The following SETD1A variants were observed in gnomAD, a reference collection of about 807,000 sequenced individuals.
The protein encoded by SETD1A is SET domain containing 1A, histone lysine methyltransferase, also known as histone-lysine N-methyltransferase SETD1A.
A neutral mutation model predicts 149.9 loss-of-function variants in SETD1A; 29 were observed. The ratio of observed to expected loss-of-function variants is 0.19; its 90% CI spans 0.14 to 0.26. The LOEUF is 0.26. SETD1A is among the 10% of genes least tolerant of loss of function. SETD1A has a pLI of 1.00. For synonymous variants in SETD1A, 1,141 were observed against 968.5 expected (o/e 1.18, Z -3.31); for missense variants, 2,109 against 2,353.1 (o/e 0.90, Z 2.15).
At chr16:30,981,855 G>A (rs1352426712) in intron 17 of SETD1A, among the ~76,000 whole-genome samples, 1 of 152,220 alleles carries the variant, frequency 6.6e-6, no homozygotes, top group Non-Finnish European at 1.5e-5. Context: ...GGAGGCTGAG[G>A]TGGGAGGATC....
chr16:30,966,519 C>T (rs1287282076), intron 8 of SETD1A, 133 bp downstream of exon 8: 4 of 1,384,726 alleles, frequency 2.9e-6, no homozygotes, highest in African/African-American at 1.5e-5. Context: ...GCCCTGCAGG[C>T]CACCCTGGGT....
chr16:30,979,220 C>A lies in SETD1A; in HGVS notation c.3434C>A (p.Pro1145Gln). The A allele has an allele frequency of 6.3e-7, 1 of 1,589,320 alleles. No individual in the cohort carries two copies. The highest frequency in any genetic ancestry group is 8.6e-7 in the Non-Finnish European group (1 of 1,167,074). ...CCTGCTGGGCCCCCGGCCCCTGCCC[C>A]ACGCCCCGATGAGCGTCCCTCTTCT... is the stretch of plus-strand genomic sequence containing the variant. ...EPPAGPPAPA[P>Q]RPDERPSSPI... Residue 1145 changes from proline to glutamine, a missense_variant, in exon 14 of 19, where the codon CCA becomes CAA. By Grantham distance (76) the Pro-to-Gln change is moderately conservative. This residue lies in a region of SETD1A where 832 missense variants were observed against 815.6 expected (regional missense o/e 1.02). Transcript: ENST00000262519.
rs149689471 is a variant in SETD1A, at chr16:30,958,770, G to A, written c.39G>A (p.Pro13=). 23 of 1,614,172 alleles carry A rather than the reference G, an allele frequency of 1.4e-5. No individual in the cohort carries two copies. In the East Asian group the frequency reaches 4.7e-4, roughly 33 times the overall value. Residue 13 remains proline, a synonymous_variant, in exon 2 of 19, where the codon CCG becomes CCA. Coordinates refer to ENST00000262519, the MANE Select transcript of SETD1A (RefSeq NM_014712.3). ...GTGGGGGAGATGGGCAGAAGGCCCC[G>A]AGCTTCCAGTGGCGGAACTACAAGC... is the stretch of plus-strand genomic sequence containing the variant. The part of the protein sequence containing the change: ...QEGGGDGQKA[P]SFQWRNYKLI...
chr16:30,970,157 CAG>C (rs1255499300), intron 12 of SETD1A, among the ~76,000 whole-genome samples: 4 of 151,546 alleles, frequency 2.6e-5, no homozygotes, highest in Non-Finnish European at 5.9e-5. Context: ...TTAGTAGAGA[CAG>C]GGTTTCACTA....
chr16:30,971,809 G>A, intron 13 of SETD1A, 90 bp downstream of exon 13: 1 of 1,419,394 alleles, frequency 7.0e-7, no homozygotes. Flanking sequence ...GTACAAGTGT[G>A]TGACTTTATT....
In SETD1A at chr16:30,979,747, G is replaced by A. The variant is rs1436462539; in HGVS notation, c.3961G>A (p.Val1321Met). ...PAPALRPPEP[V>M]PAPAALFSSP... Reference sequence around the variant, plus strand: ...GCCAGCCCTGCGGCCCCCGGAGCCAGTGCCCGCACCCGCCGCCCTCTTCAG... The same window carrying A: ...GCCAGCCCTGCGGCCCCCGGAGCCAATGCCCGCACCCGCCGCCCTCTTCAG... Residue 1321 changes from valine (V) to methionine (M), a missense_variant, in exon 14 of 19, where the codon GTG becomes ATG. Physicochemically the swap from Val to Met is conservative, Grantham distance 21. Transcript: ENST00000262519. 15 of 1,598,286 alleles carry A rather than the reference G, an allele frequency of 9.4e-6. No individual in the cohort carries two copies. Among genetic ancestry groups the A allele is most frequent in the Non-Finnish European group, 1.3e-5 (15 of 1,178,318 alleles).
In SETD1A at chr16:30,967,570, G is replaced by C; in HGVS notation, c.2752G>C (p.Ala918Pro). 1 of 1,614,008 alleles carries C rather than the reference G, an allele frequency of 6.2e-7. No individual in the cohort carries two copies. The highest frequency in any genetic ancestry group is 8.5e-7 in the Non-Finnish European group (1 of 1,179,926). The part of the protein sequence containing the change: ...EEKRPRPSTP[A>P]EEDEDDPEQE... ...AAAGAGGCCTCGTCCCTCCACTCCTGCTGAGGAAGATGAAGACGGTGAGCA... is the reference window on the plus strand; with the variant it reads ...AAAGAGGCCTCGTCCCTCCACTCCTCCTGAGGAAGATGAAGACGGTGAGCA... The change falls in exon 10 of 19, where the codon GCT (alanine) becomes CCT (proline). Residue 918 changes from alanine (A) to proline (P), a missense_variant. By Grantham distance (27) the Ala-to-Pro change is conservative (BLOSUM62 -1). This residue lies in a region of SETD1A where 832 missense variants were observed against 815.6 expected (regional missense o/e 1.02). Coordinates refer to ENST00000262519, the MANE Select transcript of SETD1A (RefSeq NM_014712.3).
At position 30,960,059 on chromosome 16, in the gene SETD1A, G is replaced by T. The variant is rs537657292; in HGVS notation, c.246+873G>T. On this transcript the variant is annotated intron_variant, in intron 3 of 18. Coordinates refer to ENST00000262519, the MANE Select transcript of SETD1A (RefSeq NM_014712.3). ...ATTCTCTCCTTTTCTCTCTCAGTTG[G>T]TCACCGAATCCTCCTGGCTCTTTTC... 3.9e-5 allele frequency among the ~76,000 whole-genome samples: 6 copies of T among 152,202 alleles called. No homozygotes were observed. In the East Asian group the frequency reaches 7.7e-4, roughly 20 times the overall value.
rs1260175630 is a variant in SETD1A at position 30,964,696 on chromosome 16, A to G, written c.954A>G (p.Ser318=). ...CCCGCCGCCACTTCTCTGCATCTTC[A>G]GCCTCCACAACCGCCTCCACGGCCA... ...AFSRRHFSAS[S]ASTTASTAIA... is the part of the protein sequence containing the mutation. Residue 318 remains serine (S), a synonymous_variant, in exon 7 of 19, where the codon TCA becomes TCG. Transcript: ENST00000262519. 1 of 1,614,054 alleles carries G rather than the reference A, an allele frequency of 6.2e-7. No individual in the cohort carries two copies. The highest frequency in any genetic ancestry group is 8.5e-7 in the Non-Finnish European group (1 of 1,180,006).
chr16:30,960,569 G>A (rs1416384255), intron 3 of SETD1A, among the ~76,000 whole-genome samples: 2 of 152,122 alleles, frequency 1.3e-5, no homozygotes, highest in African/African-American at 4.8e-5. Flanking sequence ...TGCATGTCAT[G>A]CTGCTTTTCT....
At position 30,971,601 on chromosome 16, in the gene SETD1A, C is replaced by G; in HGVS notation, c.3240C>G (p.Pro1080=). The G allele has an allele frequency of 6.2e-7, 1 of 1,613,958 alleles. No homozygotes were observed. The highest frequency in any genetic ancestry group is 8.5e-7 in the Non-Finnish European group (1 of 1,179,972). Residue 1080 remains proline, a synonymous_variant, in exon 13 of 19, where the codon CCC becomes CCG. Transcript: ENST00000262519. The part of the protein sequence containing the change: ...RPAALPSASP[P]PREVPVPTPA... ...CAGCCCTTCCCTCAGCCTCCCCGCC[C>G]CCCAGAGAAGTCCCAGTGCCCACGC...
chr16:30,972,076 A>G (rs1448821975), intron 13 of SETD1A, among the ~76,000 whole-genome samples: 2 of 152,252 alleles, frequency 1.3e-5, no homozygotes, highest in Non-Finnish European at 1.5e-5. Flanking sequence ...TAAATGGGCA[A>G]ATAGGTAGAA....
rs369238104 is a variant in SETD1A at position 30,964,789 on chromosome 16, G to A, written c.1047G>A (p.Ser349=). The part of the protein sequence containing the change: ...ASSSSLSSSS[S]SSSSSSSSQF... ...CCTCCTCATTGTCCTCGTCCTCCTC[G>A]TCATCCTCTTCCTCCTCGTCCTCTC... is the stretch of plus-strand genomic sequence containing the variant. The change falls in exon 7 of 19, where the codon TCG becomes TCA. Residue 349 remains serine (S), a synonymous_variant. Coordinates refer to ENST00000262519, the MANE Select transcript of SETD1A (RefSeq NM_014712.3). 42 of 1,613,798 alleles carry A rather than the reference G, an allele frequency of 2.6e-5. No homozygotes were observed. Among genetic ancestry groups the A allele is most frequent in the East Asian group, 6.7e-5 (3 of 44,890 alleles).
rs552578757 is a variant in SETD1A, at chr16:30,979,948, G to A, written c.4162G>A (p.Ala1388Thr). 2.6e-4 allele frequency: 396 copies of A among 1,533,348 alleles called. 1 individual carries two copies. The South Asian group carries it at 3.4e-3, about 13-fold the overall frequency. 95.0% of individuals were successfully genotyped at this position (1,533,348 alleles called of 1,614,324 possible). Residue 1388 changes from alanine (A) to threonine (T), a missense_variant, in exon 14 of 19, where the codon GCC becomes ACC. This residue lies in a region of SETD1A where 832 missense variants were observed against 815.6 expected (regional missense o/e 1.02). Coordinates refer to ENST00000262519, the MANE Select transcript of SETD1A (RefSeq NM_014712.3). ...CAGCAGCAGCAGCGATGGGGAGGGC[G>A]CCCTCCGGAGGCGCAGCCTCCGCTC... is the stretch of plus-strand genomic sequence containing the variant. ...DSSSSSDGEG[A>T]LRRRSLRSHA...
chr16:30,965,472 G>C lies in SETD1A; in HGVS notation c.1719+11G>C. 6.3e-7 allele frequency: 1 copy of C among 1,588,226 alleles called. No homozygotes were observed. Among genetic ancestry groups the C allele is most frequent in the Non-Finnish European group, 8.6e-7 (1 of 1,163,144 alleles). On this transcript the variant is annotated intron_variant, in intron 7 of 18. Coordinates refer to ENST00000262519, the MANE Select transcript of SETD1A (RefSeq NM_014712.3). ...AATGGACAGAACCAGGTGAGGTTGG[G>C]GTCAGCCAGAGGAGGCACCTGGGCT...
Position 30,979,333 on chromosome 16 carries a change from C to G in SETD1A, c.3547C>G (p.Pro1183Ala), listed in dbSNP as rs140875864. 133 of 1,613,474 alleles carry G rather than the reference C, an allele frequency of 8.2e-5. 2 individuals are homozygous for G. The highest frequency in any genetic ancestry group is 4.8e-4 in the South Asian group (44 of 91,044). ...IEVVPAPEPP[P>A]ATPPQAKFPG... ...GGTGGTGCCAGCCCCGGAGCCCCCT[C>G]CAGCCACACCGCCGCAGGCCAAGTT... is the stretch of plus-strand genomic sequence containing the variant. Residue 1183 changes from proline to alanine, a missense_variant, in exon 14 of 19, where the codon CCA becomes GCA. Pro to Ala is a conservative substitution (Grantham distance 27). This residue lies in a region of SETD1A where 832 missense variants were observed against 815.6 expected (regional missense o/e 1.02). Transcript: ENST00000262519.
rs1306690602 is a variant in SETD1A at position 30,980,846 on chromosome 16, C to T, written c.4689C>T (p.Leu1563=). 3 of 1,321,620 alleles carry T rather than the reference C, an allele frequency of 2.3e-6. No homozygotes were observed. The highest frequency in any genetic ancestry group is 3.1e-6 in the Non-Finnish European group (3 of 977,218). 81.9% of individuals were successfully genotyped at this position (1,321,620 alleles called of 1,614,324 possible). Residue 1563 remains leucine, a synonymous_variant, in exon 16 of 19, where the codon CTC becomes CTT. Transcript: ENST00000262519. This position sits in a 1 kb window ranked among gnomAD's most constrained non-coding sequence, Gnocchi z 7.7. ...MDSDLLKLNQ[L]KFRKKKLRFG... ...GTGACCTGCTGAAACTCAACCAGCT[C>T]AAGGTGAGGCTGGGCTGCAGGAGGG...
intron 13 of SETD1A, among the ~76,000 whole-genome samples, chr16:30,973,026 C>T (rs184796860): frequency 4.3e-4 from 66 of 152,198 alleles, no homozygotes; most frequent in African/African-American, 1.4e-3. Flanking sequence ...GCTGGCTTAG[C>T]GTGTGCAAAG....
intron 13 of SETD1A, among the ~76,000 whole-genome samples, chr16:30,973,119 G>T (rs2056245005): frequency 6.6e-6 from 1 of 152,180 alleles, no homozygotes; most frequent in African/African-American, 2.4e-5. Context: ...GGGCACTGGG[G>T]TGGCTGAAAC....
Sources: allele counts gnomAD v4.1 joint callset (sites outside exome capture counted in the v4.1 genomes callset), GRCh38; gene constraint gnomAD v4.1.1; regional missense constraint gnomAD v4.1.1; non-coding constraint Gnocchi (gnomAD v3.1); transcripts MANE v1.5; gene names NCBI Gene and HGNC (gene_info 2026-07-23, HGNC 2026-07-21).